The following ZNF433 variants were observed in gnomAD, a reference collection of about 807,000 sequenced individuals.
The protein encoded by ZNF433 is zinc finger protein 433.
In ZNF433, 12 loss-of-function variants were observed where a neutral mutation model predicts 10.6. The ratio of observed to expected loss-of-function variants is 1.13; its 90% CI spans 0.72 to 1.83. ZNF433 has a LOEUF of 1.83. ZNF433 is among the 40% of genes most tolerant of loss of function. The pLI is 0.00. For missense variants in ZNF433, 737 were observed against 798.0 expected (o/e 0.92, Z 0.92); for synonymous variants, 272 against 271.3 (o/e 1.00, Z -0.02).
At chr19:12,020,664 C>T (rs1974442388) in intron 1 of ZNF433, among the ~76,000 whole-genome samples, 1 of 152,066 alleles carries the variant, frequency 6.6e-6, no homozygotes, top group African/African-American at 2.4e-5. Context: ...CGCCTGTAAT[C>T]CCAGCACTTT....
chr19:12,023,598 T>C (rs1221169907), intron 1 of ZNF433: 7 of 152,166 alleles, frequency 4.6e-5, no homozygotes, highest in African/African-American at 1.7e-4. Context: ...GATTGGTAGA[T>C]ACAGGAGCAG....
chr19:12,031,525 C>T (rs1382813402), intron 1 of ZNF433, among the ~76,000 whole-genome samples: 1 of 151,688 alleles, frequency 6.6e-6, no homozygotes, highest in East Asian at 1.9e-4. Context: ...TGGTGGCAGT[C>T]ACCAGCTACT....
chr19:12,021,331 G>A (rs933718063), intron 1 of ZNF433, among the ~76,000 whole-genome samples: 2 of 152,042 alleles, frequency 1.3e-5, no homozygotes, highest in African/African-American at 4.8e-5. Context: ...TCTTGTCTAG[G>A]CTTTGGCCTT....
chr19:12,017,091 G>T (rs1224156641), intron 3 of ZNF433, among the ~76,000 whole-genome samples: 1 of 152,114 alleles, frequency 6.6e-6, no homozygotes, highest in Non-Finnish European at 1.5e-5. Flanking sequence ...TTTCTGCCCT[G>T]TCTGAATTGT....
intron 1 of ZNF433, among the ~76,000 whole-genome samples, chr19:12,027,751 AGT>A (rs1974810463): frequency 6.6e-6 from 1 of 152,122 alleles, no homozygotes; most frequent in Non-Finnish European, 1.5e-5. Context: ...TATTTCTCTG[AGT>A]GTGTCTTTAA....
rs1351304248 is a variant in ZNF433, at chr19:12,015,983, T to A, written c.875A>T (p.His292Leu). 2 of 1,613,470 alleles carry A rather than the reference T, an allele frequency of 1.2e-6. No homozygotes were observed. The highest frequency in any genetic ancestry group is 1.7e-6 in the Non-Finnish European group (2 of 1,179,784). ...KQCGKAFSSS[H>L]SFQIHERTHT... ...AGTTCTTTCATGTATTTGAAAGGAA[T>A]GGGAAGAGCTGAAGGCTTTCCCACA... The change falls in exon 4 of 4, where the codon CAT (histidine) becomes CTT (leucine). Residue 292 changes from histidine to leucine, a missense_variant. Transcript: ENST00000550507.
intron 1 of ZNF433, among the ~76,000 whole-genome samples, chr19:12,019,208 G>T (rs1166673143): frequency 2.6e-5 from 4 of 151,912 alleles, no homozygotes; most frequent in African/African-American, 4.8e-5. Context: ...ATCACCTGAG[G>T]CCAGGAGTTG....
At chr19:12,029,454 G>A (rs1378693371) in intron 1 of ZNF433, among the ~76,000 whole-genome samples, 5 of 147,030 alleles carry the variant, frequency 3.4e-5, no homozygotes, top group African/African-American at 7.6e-5. Context: ...CCCGGGAGGC[G>A]GAAGTTGCAG....
chr19:12,027,498 T>C (rs552512339), intron 1 of ZNF433, among the ~76,000 whole-genome samples: 11 of 152,336 alleles, frequency 7.2e-5, no homozygotes, highest in African/African-American at 2.6e-4. Context: ...GGAAAACTGC[T>C]TAAAGGTGTT....
chr19:12,027,964 G>C (rs558819043), intron 1 of ZNF433: 5 of 152,208 alleles, frequency 3.3e-5, no homozygotes, highest in African/African-American at 1.2e-4. Flanking sequence ...GTACTAACCT[G>C]GCCTGAACCT....
Position 12,016,178 on chromosome 19 carries a change from T to C in ZNF433, c.680A>G (p.Gln227Arg), listed in dbSNP as rs775064863. Residue 227 changes from glutamine to arginine, a missense_variant, in exon 4 of 4, where the codon CAG (glutamine) becomes CGG (arginine). Gln to Arg is a conservative substitution (Grantham distance 43). Coordinates refer to ENST00000550507, the MANE Select transcript of ZNF433 (RefSeq NM_001308348.2). ...AGAATGACTAAAGGCTTTACCACAC[T>C]GTTTACATTGATATGGTTTCTCTCC... ...HTGEKPYQCK[Q>R]CGKAFSHSSS... The C allele has an allele frequency of 6.2e-7, 1 of 1,614,186 alleles. No homozygotes were observed. Among genetic ancestry groups the C allele is most frequent in the Non-Finnish European group, 8.5e-7 (1 of 1,180,032 alleles).
In ZNF433 at chr19:12,035,641, C is replaced by T. The variant is rs145945929; in HGVS notation, c.-102G>A. ...AACCCTCTCGGAGGGGAAAGCCAGG[C>T]TCCCAACCTCAGCTCGCCGCCTGGA... is the stretch of plus-strand genomic sequence containing the variant. On this transcript the variant is annotated 5_prime_UTR_variant, in exon 1 of 4. Coordinates refer to ENST00000550507, the MANE Select transcript of ZNF433 (RefSeq NM_001308348.2). 26 of 1,480,148 alleles carry T rather than the reference C, an allele frequency of 1.8e-5. No individual in the cohort carries two copies. The highest frequency in any genetic ancestry group is 2.2e-5 in the Admixed American group (1 of 45,784). 91.7% of individuals were successfully genotyped at this position (1,480,148 alleles called of 1,614,324 possible). A position where few individuals can be genotyped will look rare whatever the true frequency, so the allele number is the denominator to read the frequency against.
rs775537281 is a variant in ZNF433, at chr19:12,015,982, A to G, written c.876T>C (p.His292=). The part of the protein sequence containing the change: ...KQCGKAFSSS[H]SFQIHERTHT... Reference sequence around the variant, plus strand: ...GAGTTCTTTCATGTATTTGAAAGGAATGGGAAGAGCTGAAGGCTTTCCCAC... The same window carrying G: ...GAGTTCTTTCATGTATTTGAAAGGAGTGGGAAGAGCTGAAGGCTTTCCCAC... The change falls in exon 4 of 4, where the codon CAT becomes CAC. Residue 292 remains histidine (H), a synonymous_variant. Transcript: ENST00000550507. 6.2e-6 allele frequency: 10 copies of G among 1,613,736 alleles called. No homozygotes were observed. The Admixed American group carries it at 1.3e-4, about 22-fold the overall frequency.
At chr19:12,031,869 G>A (rs1171037044) in intron 1 of ZNF433, among the ~76,000 whole-genome samples, 2 of 138,472 alleles carry the variant, frequency 1.4e-5, no homozygotes, top group Non-Finnish European at 3.1e-5. Context: ...CTGGGTGACA[G>A]CAAGACCCTT....
chr19:12,030,211 A>C (rs751312803), intron 1 of ZNF433: 1 of 438,098 alleles, frequency 2.3e-6, no homozygotes, highest in Non-Finnish European at 4.5e-6. Flanking sequence ...GTCAGAAAGA[A>C]ATGTTTATTT....
At chr19:12,021,979 A>G (rs1029158774) in intron 1 of ZNF433, 5 of 456,594 alleles carry the variant, frequency 1.1e-5, no homozygotes, top group African/African-American at 8.0e-5. Flanking sequence ...TGCCAATTCA[A>G]CCGTCACGCT....
intron 1 of ZNF433, among the ~76,000 whole-genome samples, chr19:12,020,282 T>TA (rs907202745): frequency 2.8e-4 from 41 of 145,458 alleles, no homozygotes; most frequent in Admixed American, 6.9e-4. Context: ...AAAAAAATTT[T>TA]AAAAAAAAAA....
chr19:12,023,634 C>G (rs1974601820), intron 1 of ZNF433: 1 of 152,194 alleles, frequency 6.6e-6, no homozygotes, highest in South Asian at 2.1e-4. Context: ...CTCTACACCA[C>G]TGGCTGTCCG....
chr19:12,024,524 G>A (rs1371045304), intron 1 of ZNF433: 1 of 152,198 alleles, frequency 6.6e-6, no homozygotes, highest in Non-Finnish European at 1.5e-5. Context: ...GATACAACCT[G>A]CTCTAGGCAT....
Sources: allele counts gnomAD v4.1 joint callset (sites outside exome capture counted in the v4.1 genomes callset), GRCh38; gene constraint gnomAD v4.1.1; transcripts MANE v1.5; gene names NCBI Gene and HGNC (gene_info 2026-07-23, HGNC 2026-07-21).